The following TBL1Y variants were observed in gnomAD, a reference collection of about 807,000 sequenced individuals.
The protein encoded by TBL1Y is transducin beta like 1 Y-linked.
A neutral mutation model predicts 12.0 loss-of-function variants in TBL1Y; 15 were observed. The observed-to-expected ratio is 1.25, with a 90% CI of 0.83 to 1.92. The LOEUF is 1.92. Ranked by LOEUF, TBL1Y falls within the 40% of genes most tolerant of loss-of-function variation. The pLI is 0.00. For synonymous variants in TBL1Y, 53 were observed against 42.6 expected (o/e 1.24, Z -0.95); for missense variants, 148 against 116.7 (o/e 1.27, Z -1.24).
At chrY:7,052,534 G>A in intron 7 of TBL1Y, among the ~76,000 whole-genome samples, 7 of 33,907 alleles carry the variant, frequency 2.1e-4, no homozygotes, top group Non-Finnish European at 4.4e-4. Context: ...GTTTTGCCAT[G>A]AGAGTACACT....
chrY:6,954,682 G>A (rs1603029265), intron 2 of TBL1Y, among the ~76,000 whole-genome samples: 2 of 33,363 alleles, frequency 6.0e-5, no homozygotes, highest in East Asian at 8.1e-4. Flanking sequence ...CCCACTGTCC[G>A]ACAAGCCCCA....
intron 7 of TBL1Y, among the ~76,000 whole-genome samples, chrY:7,053,217 T>G (rs2012808496): frequency 3.0e-5 from 1 of 33,878 alleles, no homozygotes; most frequent in Non-Finnish European, 7.3e-5. Flanking sequence ...GACACCAAAC[T>G]TCAGATTCTG....
chrY:7,085,947 C>T lies in TBL1Y; in HGVS notation c.1127C>T (p.Ser376Phe). 2.5e-6 allele frequency: 1 copy of T among 398,184 alleles called. No individual in the cohort carries two copies. Among genetic ancestry groups the T allele is most frequent in the Non-Finnish European group, 3.5e-6 (1 of 283,394 alleles). ...KWDPSGMLLA[S>F]CSDDMTLKIW... is the part of the protein sequence containing the mutation. ...GATCCTTCTGGAATGTTGCTGGCGT[C>T]CTGCTCGGATGACATGACATTGAAG... is the stretch of plus-strand genomic sequence containing the variant. The change falls in exon 15 of 19, where the codon TCC becomes TTC. Residue 376 changes from serine (S) to phenylalanine (F), a missense_variant. By Grantham distance (155) the Ser-to-Phe change is radical (BLOSUM62 -2). Coordinates refer to ENST00000383032, the MANE Select transcript of TBL1Y (RefSeq NM_033284.2).
chrY:6,992,148 C>T (rs1004857636), intron 3 of TBL1Y, among the ~76,000 whole-genome samples: 2 of 33,716 alleles, frequency 5.9e-5, no homozygotes, highest in Non-Finnish European at 1.5e-4. Context: ...AAGCCATGTG[C>T]GTAAGTTTGC....
At chrY:6,915,901 C>T in intron 2 of TBL1Y, among the ~76,000 whole-genome samples, 1 of 33,463 alleles carries the variant, frequency 3.0e-5, no homozygotes, top group Non-Finnish European at 7.4e-5. Context: ...AGGAGACCAT[C>T]ATTGTGCTGC....
intron 4 of TBL1Y, among the ~76,000 whole-genome samples, chrY:7,017,767 G>A (rs915147950): frequency 3.0e-5 from 1 of 33,771 alleles, no homozygotes; most frequent in South Asian, 6.8e-4. Context: ...GACAACATTT[G>A]GCTAGACCTT....
At chrY:6,958,827 T>G in intron 2 of TBL1Y, among the ~76,000 whole-genome samples, 2 of 33,970 alleles carry the variant, frequency 5.9e-5, no homozygotes, top group Non-Finnish European at 1.5e-4. Context: ...ATAGGGCGGT[T>G]TTTCTCTCAT....
At chrY:6,972,010 T>C in intron 2 of TBL1Y, among the ~76,000 whole-genome samples, 1 of 33,922 alleles carries the variant, frequency 2.9e-5, no homozygotes, top group Non-Finnish European at 7.3e-5. Context: ...TTTGGGTTTC[T>C]TGCAGTGTGG....
Position 7,063,882 on chromosome Y carries a change from G to T in TBL1Y, c.205-15G>T. On this transcript the variant is annotated splice_polypyrimidine_tract_variant and intron_variant, in intron 7 of 18. Transcript: ENST00000383032. The stretch of plus-strand genomic sequence containing the variant: ...CCTTGTGAGCTGATGGCTGTCCCTT[G>T]GCTTGCTTCCCCAGGATGGCACAGT... 1 of 397,714 alleles carries T rather than the reference G, an allele frequency of 2.5e-6. No homozygotes were observed. Among genetic ancestry groups the T allele is most frequent in the Non-Finnish European group, 3.5e-6 (1 of 283,162 alleles).
chrY:6,918,616 A>G, intron 2 of TBL1Y: 3 of 31,391 alleles, frequency 9.6e-5, no homozygotes, highest in Non-Finnish European at 2.3e-4. Flanking sequence ...GGAGTCGTCT[A>G]TGTTGCCAGG....
intron 7 of TBL1Y, among the ~76,000 whole-genome samples, chrY:7,059,370 T>C: frequency 3.0e-5 from 1 of 33,054 alleles, no homozygotes; most frequent in Non-Finnish European, 7.5e-5. Context: ...TTTTCTTAGC[T>C]TTAGTTTGGT....
intron 3 of TBL1Y, among the ~76,000 whole-genome samples, chrY:6,995,361 G>A (rs2012402690): frequency 6.1e-5 from 2 of 32,795 alleles, no homozygotes; most frequent in African/African-American, 2.4e-4. Context: ...AGCTGGTTAC[G>A]TGACCATACA....
chrY:6,949,578 C>T (rs2012009908), intron 2 of TBL1Y, among the ~76,000 whole-genome samples: 4 of 33,459 alleles, frequency 1.2e-4, no homozygotes, highest in Admixed American at 1.1e-3. Context: ...AAAATGAATA[C>T]AGATTTCCGC....
chrY:7,048,386 G>C, intron 7 of TBL1Y, among the ~76,000 whole-genome samples: 1 of 32,544 alleles, frequency 3.1e-5, no homozygotes, highest in South Asian at 7.1e-4. Flanking sequence ...TTGAATTTCA[G>C]ATTACCATAA....
intron 2 of TBL1Y, among the ~76,000 whole-genome samples, chrY:6,975,702 C>T (rs2012233465): frequency 3.1e-5 from 1 of 32,448 alleles, no homozygotes; most frequent in Non-Finnish European, 7.5e-5. Context: ...TAAAAGCAGC[C>T]GAATTTAACA....
rs775919234 is a variant in TBL1Y, at chrY:6,981,210, C to G, written c.-235+2967C>G. 9.0e-5 allele frequency among the ~76,000 whole-genome samples: 3 copies of G among 33,485 alleles called. No individual in the cohort carries two copies. In the East Asian group the frequency reaches 2.3e-3, roughly 26 times the overall value. 89.8% of individuals were successfully genotyped at this position (33,485 alleles called of 37,273 possible). A position where few individuals can be genotyped will look rare whatever the true frequency, so the allele number is the denominator to read the frequency against. On this transcript the variant is annotated intron_variant, in intron 3 of 18. Coordinates refer to ENST00000383032, the MANE Select transcript of TBL1Y (RefSeq NM_033284.2). ...CATCTTAGAATATTAAGATCTGTCA[C>G]TTTCCTGAATTTTTCAAAAAAAGCA...
intron 7 of TBL1Y, among the ~76,000 whole-genome samples, chrY:7,062,892 C>G: frequency 2.9e-5 from 1 of 34,055 alleles, no homozygotes; most frequent in African/African-American, 1.1e-4. Flanking sequence ...CTGCGGCTTT[C>G]TCATCGTGGT....
intron 7 of TBL1Y, among the ~76,000 whole-genome samples, chrY:7,063,364 C>A (rs2012905173): frequency 3.0e-5 from 1 of 33,683 alleles, no homozygotes; most frequent in South Asian, 6.7e-4. Context: ...CGCACGTGAC[C>A]CCTCCTGCTG....
intron 2 of TBL1Y, among the ~76,000 whole-genome samples, chrY:6,946,169 G>A: frequency 3.0e-5 from 1 of 33,445 alleles, no homozygotes; most frequent in Non-Finnish European, 7.4e-5. Context: ...ATAAGGAGAT[G>A]TTTTTGCTGA....
Sources: gnomAD v4.1 joint callset for allele counts (sites outside exome capture counted in the v4.1 genomes callset) on GRCh38, gnomAD v4.1.1 for gene constraint, MANE v1.5 for transcripts, NCBI Gene and HGNC (gene_info 2026-07-23, HGNC 2026-07-21) for gene names.